The following NUDT7 variants were observed in gnomAD, a reference collection of about 807,000 sequenced individuals.
NUDT7 encodes nudix hydrolase 7.
Under a neutral mutation model 13.1 loss-of-function variants are expected in NUDT7, and 19 were observed. The ratio of observed to expected loss-of-function variants is 1.45; its 90% confidence interval spans 1.01 to 2.13. The LOEUF (loss-of-function observed/expected upper bound fraction) is 2.13, where lower values mean the gene tolerates loss of function less well. Among genes scored for constraint, NUDT7 ranks in the 30% most tolerant of loss-of-function variants. The probability of loss-of-function intolerance (pLI) is 0.00; values close to 1 mark genes in which losing one functional copy is unlikely to be tolerated. For missense variants in NUDT7, 360 were observed against 291.7 expected (o/e 1.23, Z -1.71); for synonymous variants, 132 against 109.7 (o/e 1.20, Z -1.27).
At chr16:77,731,005 A>T (rs2014302384) in intron 2 of NUDT7, among the ~76,000 whole-genome samples, 1 of 151,992 alleles carries the variant, frequency 6.6e-6, no homozygotes, top group African/African-American at 2.4e-5. Context: ...TATGGTTTGC[A>T]AATATTTTCT....
rs754783405 is a variant in NUDT7, at chr16:77,735,987, GTA to G, written c.348+2_348+3del. 5.4e-5 allele frequency: 87 copies of G among 1,613,842 alleles called. No individual in the cohort carries two copies. Among genetic ancestry groups the G allele is most frequent in the Non-Finnish European group, 7.3e-5 (86 of 1,179,912 alleles). ...CTGCCTGGTGCCATGTCTTATTGAT[GTA>G]AGGGTTTCCTGAGACACTCATGAGC... On this transcript the variant is annotated splice_donor_variant and splice_donor_region_variant and intron_variant, in intron 3 of 3. Transcript: ENST00000268533. LOFTEE classifies it high-confidence loss of function.
intron 3 of NUDT7, chr16:77,736,571 C>CAT (rs150925953): frequency 0.013 from 2,425 of 185,464 alleles, 62 homozygotes; most frequent in African/African-American, 0.053. Context: ...TACATCAAAA[C>CAT]ATTTAAAATA....
intron 2 of NUDT7, among the ~76,000 whole-genome samples, chr16:77,733,921 G>A (rs1012467637): frequency 6.6e-6 from 1 of 152,144 alleles, no homozygotes; most frequent in Admixed American, 6.6e-5. Flanking sequence ...GAGAACAGTG[G>A]AGGGTTTGTG....
chr16:77,724,363 G>C (rs1229670197), intron 1 of NUDT7, among the ~76,000 whole-genome samples: 1 of 152,164 alleles, frequency 6.6e-6, no homozygotes, highest in Non-Finnish European at 1.5e-5. Context: ...TGGGGCTCAA[G>C]TGATCCTCCC....
At chr16:77,723,649 G>A (rs968705544) in intron 1 of NUDT7, among the ~76,000 whole-genome samples, 5 of 143,720 alleles carry the variant, frequency 3.5e-5, no homozygotes, top group East Asian at 4.1e-4. Context: ...CTACAGTGCA[G>A]TAGGCAATCT....
chr16:77,728,230 G>A (rs1044622244), intron 2 of NUDT7, among the ~76,000 whole-genome samples: 9 of 151,894 alleles, frequency 5.9e-5, no homozygotes, highest in African/African-American at 9.7e-5. Flanking sequence ...CTGGAACCTC[G>A]AACAAGTTTT....
chr16:77,737,497 GTTT>G (rs138818861), intron 3 of NUDT7: 20,203 of 151,432 alleles, frequency 0.13, 1,536 homozygotes, highest in East Asian at 0.31. Flanking sequence ...TGTTGTTGTT[GTTT>G]TTTTGACACA....
At position 77,735,839 on chromosome 16, in the gene NUDT7, C is replaced by T. The variant is rs761683048; in HGVS notation, c.201C>T (p.Ala67=). 10 of 1,613,282 alleles carry T rather than the reference C, an allele frequency of 6.2e-6. No individual in the cohort carries two copies. The highest frequency in any genetic ancestry group is 7.6e-6 in the Non-Finnish European group (9 of 1,179,594). ...CTTTCTATATCCAGCTAAGAAGGGCCCCTGGAGAAGTTTGCTTCCCTGGAG... is the reference window on the plus strand; with the variant it reads ...CTTTCTATATCCAGCTAAGAAGGGCTCCTGGAGAAGTTTGCTTCCCTGGAG... ...FTVRSEKLRR[A]PGEVCFPGGK... is the part of the protein sequence containing the mutation. Residue 67 remains alanine, a synonymous_variant, in exon 3 of 4, where the codon GCC becomes GCT. Coordinates refer to ENST00000268533, the MANE Select transcript of NUDT7 (RefSeq NM_001105663.3).
chr16:77,738,452 G>T (rs1041411546), intron 3 of NUDT7, among the ~76,000 whole-genome samples: 1 of 152,054 alleles, frequency 6.6e-6, no homozygotes, highest in African/African-American at 2.4e-5. Flanking sequence ...TTGTTTTTTG[G>T]CCCCTGCTAA....
chr16:77,732,326 CA>C (rs371733996), intron 2 of NUDT7, among the ~76,000 whole-genome samples: 62 of 124,050 alleles, frequency 5.0e-4, no homozygotes, highest in Middle Eastern at 3.8e-3. Context: ...GAACACGTCT[CA>C]AAAAAAAAAA....
At chr16:77,725,620 A>G (rs2014110554) in intron 2 of NUDT7, 36 bp downstream of exon 2, 1 of 1,599,888 alleles carries the variant, frequency 6.3e-7, no homozygotes, top group Non-Finnish European at 8.5e-7. Context: ...CTTAAACCTC[A>G]GGACATCAGA....
intron 2 of NUDT7, among the ~76,000 whole-genome samples, chr16:77,729,669 T>C (rs113790513): frequency 0.015 from 2,256 of 152,040 alleles, 53 homozygotes; most frequent in African/African-American, 0.049. Context: ...CTACTAAAAA[T>C]GCAAAATTAG....
At chr16:77,735,649 G>C in intron 2 of NUDT7, 179 bp from the exon 3 acceptor site, 1 of 653,396 alleles carries the variant, frequency 1.5e-6, no homozygotes, top group Non-Finnish European at 2.7e-6. Context: ...AAATTTTCAA[G>C]GTTCATTTCT....
intron 2 of NUDT7, among the ~76,000 whole-genome samples, chr16:77,729,965 A>G (rs2014261176): frequency 8.4e-6 from 1 of 118,930 alleles, no homozygotes; most frequent in Non-Finnish European, 1.7e-5. Flanking sequence ...ACATAGTAAC[A>G]TATTACCACA....
chr16:77,731,093 A>G (rs1376784106), intron 2 of NUDT7, among the ~76,000 whole-genome samples: 1 of 151,978 alleles, frequency 6.6e-6, no homozygotes, highest in South Asian at 2.1e-4. Context: ...AAGTAACCCC[A>G]TGTTTTATTT....
Position 77,741,877 on chromosome 16 carries a change from A to G in NUDT7, c.644A>G (p.Asn215Ser). 2 of 1,614,112 alleles carry G rather than the reference A, an allele frequency of 1.2e-6. No homozygotes were observed. The highest frequency in any genetic ancestry group is 1.7e-6 in the Non-Finnish European group (2 of 1,179,992). The change falls in exon 4 of 4, where the codon AAT becomes AGT. Residue 215 changes from asparagine (N) to serine (S), a missense_variant. Physicochemically the swap from Asn to Ser is conservative, Grantham distance 46. Coordinates refer to ENST00000268533, the MANE Select transcript of NUDT7 (RefSeq NM_001105663.3). ...AAACCCACCTTTGAGGTTCAATTTA[A>G]TCTTAATGATGTATTAGCATCCTCT... ...EKKPTFEVQF[N>S]LNDVLASSEE...
At position 77,739,138 on chromosome 16, in the gene NUDT7, C is replaced by T. The variant is rs551948163; in HGVS notation, c.349-2444C>T. ...CAGGGCTTCTGATAACTCACTGTTACCAGATAGGGGGCCTGATCCAGACCC... is the reference window on the plus strand; with the variant it reads ...CAGGGCTTCTGATAACTCACTGTTATCAGATAGGGGGCCTGATCCAGACCC... On this transcript the variant is annotated intron_variant, in intron 3 of 3. Coordinates refer to ENST00000268533, the MANE Select transcript of NUDT7 (RefSeq NM_001105663.3). Among the ~76,000 whole-genome samples the T allele has an allele frequency of 2.0e-5, 3 of 152,286 alleles. No individual in the cohort carries two copies. The South Asian group carries it at 6.2e-4, about 32-fold the overall frequency.
chr16:77,726,867 G>T (rs2344151), intron 2 of NUDT7, among the ~76,000 whole-genome samples: 4 of 151,924 alleles, frequency 2.6e-5, no homozygotes, highest in African/African-American at 9.7e-5. Flanking sequence ...GTTTCATTGA[G>T]TCATGGTTCT....
chr16:77,742,207 T>G lies in NUDT7; in HGVS notation c.*257T>G. 1.0e-6 allele frequency: 1 copy of G among 971,288 alleles called. No individual in the cohort carries two copies. The highest frequency in any genetic ancestry group is 1.3e-6 in the Non-Finnish European group (1 of 765,442). The allele number at this position is 971,288 out of a possible 1,614,324, so 60.2% of individuals were successfully genotyped here. On this transcript the variant is annotated 3_prime_UTR_variant, in exon 4 of 4. Coordinates refer to ENST00000268533, the MANE Select transcript of NUDT7 (RefSeq NM_001105663.3). ...AATAATATTTTTCTTACACATATAA[T>G]AAAGAATATCTGGCACATACTAGGC...
Sources: allele counts gnomAD v4.1 joint callset (sites outside exome capture counted in the v4.1 genomes callset), GRCh38; gene constraint gnomAD v4.1.1; transcripts MANE v1.5; gene names NCBI Gene and HGNC (gene_info 2026-07-23, HGNC 2026-07-21).